The following SORCS1 variants were observed in gnomAD, a reference collection of about 807,000 sequenced individuals.
SORCS1 encodes the protein sortilin related VPS10 domain containing receptor 1.
SORCS1 carries 60 observed loss-of-function variants against 146.1 expected under a neutral mutation model. The ratio of observed to expected loss-of-function variants is 0.41; its 90% CI spans 0.33 to 0.51. SORCS1 has a LOEUF of 0.51. SORCS1 is among the 20% of genes least tolerant of loss of function. The probability of loss-of-function intolerance (pLI) is 0.21; values close to 1 mark genes in which losing one functional copy is unlikely to be tolerated. For missense variants in SORCS1, 1,352 were observed against 1,487.6 expected (o/e 0.91, Z 1.50); for synonymous variants, 637 against 584.0 (o/e 1.09, Z -1.31).
chr10:107,044,680 G>A (rs1055332378), intron 1 of SORCS1, among the ~76,000 whole-genome samples: 5 of 151,504 alleles, frequency 3.3e-5, no homozygotes, highest in African/African-American at 9.7e-5. Context: ...AAAATTAGCC[G>A]GGTGTTGTGG....
intron 1 of SORCS1, among the ~76,000 whole-genome samples, chr10:107,036,346 T>C (rs1483753439): frequency 6.6e-6 from 1 of 152,192 alleles, no homozygotes; most frequent in African/African-American, 2.4e-5. Context: ...CATAAGGACT[T>C]GAGCATCTGC....
chr10:106,956,750 C>G (rs1326503270), intron 1 of SORCS1, among the ~76,000 whole-genome samples, 170 bp from the exon 2 acceptor site: 1 of 152,212 alleles, frequency 6.6e-6, no homozygotes, highest in Non-Finnish European at 1.5e-5. Flanking sequence ...GTCTTTCTGC[C>G]TTCCACTGAA....
At chr10:106,716,716 AT>A (rs1855398861) in intron 6 of SORCS1, among the ~76,000 whole-genome samples, 1 of 152,114 alleles carries the variant, frequency 6.6e-6, no homozygotes, top group African/African-American at 2.4e-5. Context: ...AAACCTTTCC[AT>A]CCCCAGAATG....
At chr10:107,032,337 T>A (rs1377208132) in intron 1 of SORCS1, among the ~76,000 whole-genome samples, 2 of 152,190 alleles carry the variant, frequency 1.3e-5, no homozygotes, top group Non-Finnish European at 2.9e-5. Flanking sequence ...GGGCTGAAAT[T>A]AGGACATAAA....
the SORCS1 span, among the ~76,000 whole-genome samples, chr10:107,171,462 T>C: frequency 3.2e-4 from 48 of 151,694 alleles, no homozygotes; most frequent in Non-Finnish European, 5.2e-4. Context: ...GTACTTGAAT[T>C]ATTCTTTGCA....
At chr10:106,927,021 C>G (rs73380944) in intron 2 of SORCS1, among the ~76,000 whole-genome samples, 1 of 152,016 alleles carries the variant, frequency 6.6e-6, no homozygotes, top group Admixed American at 6.6e-5. Flanking sequence ...TCAGAGTTGT[C>G]ACCACAGTTT....
chr10:106,836,874 T>C (rs551321523), intron 2 of SORCS1, among the ~76,000 whole-genome samples: 1 of 152,222 alleles, frequency 6.6e-6, no homozygotes, highest in Non-Finnish European at 1.5e-5. Flanking sequence ...AGTTAATGAC[T>C]TGATGATGCC....
At chr10:106,907,173 C>T (rs1951945172) in intron 2 of SORCS1, among the ~76,000 whole-genome samples, 1 of 152,144 alleles carries the variant, frequency 6.6e-6, no homozygotes, top group Non-Finnish European at 1.5e-5. Context: ...TTATTATTTC[C>T]TAGCAGTGAC....
intron 2 of SORCS1, among the ~76,000 whole-genome samples, chr10:106,945,672 G>T (rs1164572613): frequency 6.6e-6 from 1 of 152,120 alleles, no homozygotes; most frequent in African/African-American, 2.4e-5. Context: ...AAAATTTTTT[G>T]CCTTTGCTTT....
At chr10:106,713,908 G>C (rs778520742) in intron 6 of SORCS1, among the ~76,000 whole-genome samples, 24 of 152,096 alleles carry the variant, frequency 1.6e-4, no homozygotes, top group Admixed American at 1.3e-3. Flanking sequence ...TTGGCAATAT[G>C]AATCAAGATA....
intron 19 of SORCS1, among the ~76,000 whole-genome samples, chr10:106,623,523 C>T (rs569713242): frequency 5.3e-5 from 8 of 152,004 alleles, no homozygotes; most frequent in African/African-American, 1.7e-4. Flanking sequence ...GGATTACAGG[C>T]GTGAGCCACC....
chr10:106,964,102 GA>G (rs1203801392), intron 1 of SORCS1, among the ~76,000 whole-genome samples: 1 of 152,182 alleles, frequency 6.6e-6, no homozygotes, highest in African/African-American at 2.4e-5. Context: ...AACTGAGGGA[GA>G]AAGCTCAGAG....
intron 2 of SORCS1, among the ~76,000 whole-genome samples, chr10:106,861,399 TAA>T (rs35890575): frequency 0.34 from 43,299 of 127,958 alleles, 7,286 homozygotes; most frequent in Non-Finnish European, 0.41. Flanking sequence ...GACTCCGCCT[TAA>T]AAAAAAAAAA....
intron 3 of SORCS1, among the ~76,000 whole-genome samples, chr10:106,803,341 C>T (rs1268258372): frequency 1.3e-5 from 2 of 152,154 alleles, no homozygotes; most frequent in East Asian, 3.9e-4. Flanking sequence ...AAGGGACACA[C>T]ACTTATATGG....
intron 20 of SORCS1, among the ~76,000 whole-genome samples, chr10:106,618,781 G>A (rs963453812): frequency 2.0e-5 from 3 of 152,140 alleles, no homozygotes; most frequent in African/African-American, 7.2e-5. Context: ...AAACAGCAGT[G>A]GCCTTGTGTG....
chr10:106,978,797 CAAAA>C (rs35921955), intron 1 of SORCS1, among the ~76,000 whole-genome samples: 1 of 127,404 alleles, frequency 7.8e-6, no homozygotes. Flanking sequence ...GACTCCATCT[CAAAA>C]AAAAAAAAAA....
chr10:106,638,639 G>A (rs1011707325), intron 18 of SORCS1, among the ~76,000 whole-genome samples: 1 of 152,054 alleles, frequency 6.6e-6, no homozygotes, highest in African/African-American at 2.4e-5. Context: ...AGTATCACTT[G>A]GTGGTCTTCA....
At chr10:106,967,680 GT>G (rs1955564223) in intron 1 of SORCS1, among the ~76,000 whole-genome samples, 1 of 152,126 alleles carries the variant, frequency 6.6e-6, no homozygotes, top group African/African-American at 2.4e-5. Flanking sequence ...CAAGCCCATT[GT>G]TTTATAGTTA....
chr10:106,907,848 A>G (rs1206908065), intron 2 of SORCS1, among the ~76,000 whole-genome samples: 1 of 151,514 alleles, frequency 6.6e-6, no homozygotes, highest in Non-Finnish European at 1.5e-5. Context: ...AATCGCTTGA[A>G]CCTAGGAGGT....
Sources: allele counts gnomAD v4.1 joint callset (sites outside exome capture counted in the v4.1 genomes callset), GRCh38; gene constraint gnomAD v4.1.1; transcripts MANE v1.5; gene names NCBI Gene and HGNC (gene_info 2026-07-23, HGNC 2026-07-21).